C1orf54: variants seen among roughly 807,000 people sequenced by gnomAD.
The protein encoded by C1orf54 is chromosome 1 open reading frame 54, also known as uncharacterized protein C1orf54.
In C1orf54, 12 loss-of-function variants were observed where a neutral mutation model predicts 14.7. The observed-to-expected ratio is 0.82, with a 90% CI of 0.52 to 1.32. The LOEUF is 1.32. Ranked by LOEUF, C1orf54 falls within the 40% of genes most tolerant of loss-of-function variation. C1orf54 has a pLI of 0.00. For missense variants in C1orf54, 163 were observed against 162.2 expected, an observed-to-expected ratio of 1.00 and a Z score of -0.03; for synonymous variants, 65 against 56.3, an observed-to-expected ratio of 1.16 and a Z score of -0.70.
chr1:150,275,026 G>T (rs1184833025), intron 2 of C1orf54, among the ~76,000 whole-genome samples: 1 of 136,040 alleles, frequency 7.4e-6, no homozygotes, highest in Non-Finnish European at 1.6e-5. Context: ...GCAAGACCTT[G>T]TCTCTATAGA....
intron 2 of C1orf54, among the ~76,000 whole-genome samples, chr1:150,274,912 C>CA (rs34704617): frequency 0.55 from 77,935 of 142,768 alleles, 23,395 homozygotes; most frequent in African/African-American, 0.8. Context: ...GACTACGTCA[C>CA]AAAAAAAAAA....
chr1:150,270,995 C>CAAA (rs782157892), upstream of C1orf54, among the ~76,000 whole-genome samples: 1,008 of 94,034 alleles, frequency 0.011, 35 homozygotes, highest in African/African-American at 0.014. Flanking sequence ...GACTCCGTCT[C>CAAA]AAAAAAAAAA....
intron 5 of C1orf54, among the ~76,000 whole-genome samples, chr1:150,280,116 G>T (rs1428043948): frequency 6.6e-6 from 1 of 152,136 alleles, no homozygotes; most frequent in Non-Finnish European, 1.5e-5. Context: ...CCCAGCTATT[G>T]GGGGGGATGG....
In C1orf54 at chr1:150,276,562, C is replaced by T; in HGVS notation, c.230C>T (p.Thr77Ile). The T allele has an allele frequency of 1.2e-6, 2 of 1,614,010 alleles. No homozygotes were observed. Among genetic ancestry groups the T allele is most frequent in the Non-Finnish European group, 1.7e-6 (2 of 1,179,956 alleles). ...GACATAACAGAAGCAATAGAGACTA[C>T]CATTAGTCTTGAAACAGCACGTGCA... Reference protein sequence around the residue: ...DKDITEAIETTISLETARADH... With the variant: ...DKDITEAIETIISLETARADH... Residue 77 changes from threonine (T) to isoleucine (I), a missense_variant, in exon 4 of 6, where the codon ACC becomes ATC. By Grantham distance (89) the Thr-to-Ile change is moderately conservative. Transcript: ENST00000369099.
At chr1:150,269,788 C>T (rs782298860), upstream of C1orf54, among the ~76,000 whole-genome samples, 3 of 152,132 alleles carry the variant, frequency 2.0e-5, no homozygotes, top group Non-Finnish European at 2.9e-5. Context: ...AGGCTGAGCG[C>T]GGTGGCTCAC....
chr1:150,270,759 G>A (rs190342523), upstream of C1orf54, among the ~76,000 whole-genome samples: 320 of 152,214 alleles, frequency 2.1e-3, 2 homozygotes, highest in African/African-American at 7.3e-3. Context: ...CACTTTGGGA[G>A]GTCGAGGCAG....
At chr1:150,272,887 C>T (rs1553851564) in intron 1 of C1orf54, 24 bp downstream of exon 1, 1 of 1,613,570 alleles carries the variant, frequency 6.2e-7, no homozygotes, top group Non-Finnish European at 8.5e-7. Flanking sequence ...TCTCTCTGAG[C>T]TTTTGTGCCA....
intron 4 of C1orf54, among the ~76,000 whole-genome samples, chr1:150,279,360 C>A (rs1652917525): frequency 6.6e-6 from 1 of 152,138 alleles, no homozygotes; most frequent in African/African-American, 2.4e-5. Context: ...ATTTATGTCC[C>A]TTTCTATAGC....
chr1:150,272,947 G>T, intron 1 of C1orf54, 84 bp downstream of exon 1: 2 of 1,455,096 alleles, frequency 1.4e-6, no homozygotes, highest in Non-Finnish European at 9.7e-7. Flanking sequence ...GAGTGGGTGA[G>T]AGGTACATTT....
rs782055972 is a variant in C1orf54, at chr1:150,272,868, G to C, written c.46+5G>C. Reference sequence around the variant, plus strand: ...TTGCTGTGCCACTTATCCTGGGTAAGTCCACTCCTCTCTCTGAGCTTTTGT... The same window carrying C: ...TTGCTGTGCCACTTATCCTGGGTAACTCCACTCCTCTCTCTGAGCTTTTGT... On this transcript the variant is annotated splice_donor_5th_base_variant and intron_variant, in intron 1 of 5. Coordinates refer to ENST00000369099, the MANE Select transcript of C1orf54 (RefSeq NM_024579.4). The C allele has an allele frequency of 3.1e-6, 5 of 1,614,150 alleles. No homozygotes were observed. Among genetic ancestry groups the C allele is most frequent in the Non-Finnish European group, 2.5e-6 (3 of 1,180,012 alleles).
In C1orf54 at chr1:150,275,778, A is replaced by G; in HGVS notation, c.168A>G (p.Ile56Met). 6.2e-7 allele frequency: 1 copy of G among 1,612,406 alleles called. No homozygotes were observed. The highest frequency in any genetic ancestry group is 2.2e-5 in the East Asian group (1 of 44,844). ...FSADFTIDYS[I>M]FESEDRLNRL... is the part of the protein sequence containing the mutation. ...CAGATTTCACCATTGATTACTCCAT[A>G]TTTGAGTCAGAGGACAGGCTGGTGA... Residue 56 changes from isoleucine (I) to methionine (M), a missense_variant, in exon 3 of 6, where the codon ATA becomes ATG. Coordinates refer to ENST00000369099, the MANE Select transcript of C1orf54 (RefSeq NM_024579.4).
chr1:150,272,874 T>C lies in C1orf54; in HGVS notation c.46+11T>C, dbSNP rs781887680. 1 of 1,614,000 alleles carries C rather than the reference T, an allele frequency of 6.2e-7. No homozygotes were observed. The highest frequency in any genetic ancestry group is 8.5e-7 in the Non-Finnish European group (1 of 1,179,920). Reference sequence around the variant, plus strand: ...TGCCACTTATCCTGGGTAAGTCCACTCCTCTCTCTGAGCTTTTGTGCCAGG... The same window carrying C: ...TGCCACTTATCCTGGGTAAGTCCACCCCTCTCTCTGAGCTTTTGTGCCAGG... On this transcript the variant is annotated intron_variant, in intron 1 of 5. Coordinates refer to ENST00000369099, the MANE Select transcript of C1orf54 (RefSeq NM_024579.4).
At chr1:150,275,269 C>G (rs1652551669) in intron 2 of C1orf54, among the ~76,000 whole-genome samples, 1 of 151,972 alleles carries the variant, frequency 6.6e-6, no homozygotes, top group Admixed American at 6.6e-5. Context: ...AACTCCTGAT[C>G]TCGTGATCTG....
chr1:150,272,862 G>T lies in C1orf54; in HGVS notation c.45G>T (p.Leu15=). 4 of 1,614,104 alleles carry T rather than the reference G, an allele frequency of 2.5e-6. No individual in the cohort carries two copies. Among genetic ancestry groups the T allele is most frequent in the Non-Finnish European group, 3.4e-6 (4 of 1,180,022 alleles). ...FVAIFAVPLI[L]GQEYEDEERL... is the part of the protein sequence containing the mutation. ...CCATCTTTGCTGTGCCACTTATCCTGGGTAAGTCCACTCCTCTCTCTGAGC... is the reference window on the plus strand; with the variant it reads ...CCATCTTTGCTGTGCCACTTATCCTTGGTAAGTCCACTCCTCTCTCTGAGC... Residue 15 remains leucine, a splice_region_variant and synonymous_variant, in exon 1 of 6, where the codon CTG becomes CTT. Transcript: ENST00000369099.
At chr1:150,274,279 A>G (rs921680059) in intron 2 of C1orf54, 109 bp downstream of exon 2, 78 of 812,744 alleles carry the variant, frequency 9.6e-5, no homozygotes, top group Non-Finnish European at 1.5e-4. Context: ...GGTCAGAGAA[A>G]AATCTGGCTA....
intron 5 of C1orf54, among the ~76,000 whole-genome samples, chr1:150,280,409 G>A (rs1652992565): frequency 6.6e-6 from 1 of 152,220 alleles, no homozygotes; most frequent in African/African-American, 2.4e-5. Context: ...ACTTCTCCAA[G>A]CTTCCAAAAT....
chr1:150,275,767 G>A lies in C1orf54; in HGVS notation c.157G>A (p.Asp53Asn), dbSNP rs782467459. 4 of 1,612,314 alleles carry A rather than the reference G, an allele frequency of 2.5e-6. No homozygotes were observed. The highest frequency in any genetic ancestry group is 3.4e-6 in the Non-Finnish European group (4 of 1,178,628). The change falls in exon 3 of 6, where the codon GAT becomes AAT. Residue 53 changes from aspartate (D) to asparagine (N), a missense_variant. Asp to Asn is a conservative substitution (Grantham distance 23). Transcript: ENST00000369099. ...TGACTTTAGTGCAGATTTCACCATT[G>A]ATTACTCCATATTTGAGTCAGAGGA... ...YDDFSADFTI[D>N]YSIFESEDRL...
chr1:150,269,474 A>C (rs1443612229), upstream of C1orf54: 1 of 152,648 alleles, frequency 6.6e-6, no homozygotes, highest in Non-Finnish European at 1.5e-5. Context: ...CTTCGGACAG[A>C]CTAGTATAAT....
chr1:150,273,828 G>A (rs587698697), intron 1 of C1orf54, among the ~76,000 whole-genome samples: 2 of 152,214 alleles, frequency 1.3e-5, no homozygotes, highest in South Asian at 4.1e-4. Flanking sequence ...GTATGTGAAG[G>A]GGACTGTTTT....
Sources: gnomAD v4.1 joint callset for allele counts (sites outside exome capture counted in the v4.1 genomes callset) on GRCh38, gnomAD v4.1.1 for gene constraint, MANE v1.5 for transcripts, NCBI Gene and HGNC (gene_info 2026-07-23, HGNC 2026-07-21) for gene names.